The following STXBP3 variants were observed in gnomAD, a reference collection of about 807,000 sequenced individuals.
The protein encoded by STXBP3 is syntaxin binding protein 3.
In STXBP3, 41 loss-of-function variants were observed where a neutral mutation model predicts 85.7. That is an observed-to-expected ratio of 0.48 (90% CI 0.37 to 0.62). The LOEUF (loss-of-function observed/expected upper bound fraction) is 0.62. STXBP3 is among the 20% of genes least tolerant of loss of function. STXBP3 has a pLI of 0.00. For missense variants in STXBP3, 563 were observed against 703.1 expected, an observed-to-expected ratio of 0.80 and a Z score of 2.25; for synonymous variants, 229 against 231.7, an observed-to-expected ratio of 0.99 and a Z score of 0.10.
intron 4 of STXBP3, among the ~76,000 whole-genome samples, chr1:108,757,203 A>C (rs1662040919): frequency 6.6e-6 from 1 of 152,010 alleles, no homozygotes; most frequent in Admixed American, 6.6e-5. Context: ...ATGTGAAAGG[A>C]AATTCTTTAG....
chr1:108,747,110 G>GCCGCGCTCCCCACTCCTCCTCTCCCGT (rs1553194444), intron 1 of STXBP3, among the ~76,000 whole-genome samples: 1 of 147,394 alleles, frequency 6.8e-6, no homozygotes, highest in African/African-American at 2.5e-5. Flanking sequence ...CGTGCCCTCG[G>GCCGCGCTCCCCACTCCTCCTCTCCCGT]CCGCGCTCCC....
At position 108,776,353 on chromosome 1, in the gene STXBP3, G is replaced by A. The variant is rs763490809; in HGVS notation, c.614G>A (p.Ser205Asn). ...RYKSKPLDNA[S>N]KLAQLVEKKL... Reference sequence around the variant, plus strand: ...TCTAGTAAACCTCTAGATAATGCCAGTAAGCTTGCACAGCTTGTTGAAAAA... The same window carrying A: ...TCTAGTAAACCTCTAGATAATGCCAATAAGCTTGCACAGCTTGTTGAAAAA... Residue 205 changes from serine to asparagine, a missense_variant, in exon 8 of 19, where the codon AGT becomes AAT. Physicochemically the swap from Ser to Asn is conservative, Grantham distance 46 (BLOSUM62 1). Transcript: ENST00000370008. 13 of 1,607,624 alleles carry A rather than the reference G, an allele frequency of 8.1e-6. No homozygotes were observed. The highest frequency in any genetic ancestry group is 3.3e-4 in the Middle Eastern group (2 of 6,032).
intron 16 of STXBP3, among the ~76,000 whole-genome samples, chr1:108,798,706 G>A (rs1031749837): frequency 2.6e-5 from 4 of 151,930 alleles, no homozygotes; most frequent in East Asian, 1.9e-4. Flanking sequence ...GAGCCACTGC[G>A]CCCGGCTGAA....
intron 11 of STXBP3, among the ~76,000 whole-genome samples, chr1:108,782,965 C>G (rs1195091967): frequency 6.6e-6 from 1 of 152,114 alleles, no homozygotes; most frequent in African/African-American, 2.4e-5. Flanking sequence ...TGCAGTTGCG[C>G]CATCTCAGCT....
Position 108,765,570 on chromosome 1 carries a change from A to ATTTTTTTTTTT in STXBP3, c.438+5497_438+5507dup, listed in dbSNP as rs35813823. On this transcript the variant is annotated intron_variant, in intron 6 of 18. Transcript: ENST00000370008. ...TCATGGTAAAAAGCACCACATGCTAATTTTTTTTTTTTTTTTTTTTTTGAG... is the reference window on the plus strand; with the variant it reads ...TCATGGTAAAAAGCACCACATGCTAATTTTTTTTTTTTTTTTTTTTTTTTTTTTTTTTTGAG... Among the ~76,000 whole-genome samples, 4 of 67,168 alleles carry ATTTTTTTTTTT rather than the reference A, an allele frequency of 6.0e-5. 2 individuals are homozygous for ATTTTTTTTTTT. The highest frequency in any genetic ancestry group is 1.2e-4 in the Non-Finnish European group (4 of 32,162). The allele number at this position is 67,168 out of a possible 152,430, so 44.1% of individuals were successfully genotyped here.
At chr1:108,808,404 AC>A (rs1303381429) in intron 18 of STXBP3, among the ~76,000 whole-genome samples, 2 of 152,200 alleles carry the variant, frequency 1.3e-5, no homozygotes, top group East Asian at 3.8e-4. Context: ...AACTCTCCTG[AC>A]CCATGGAGGC....
At chr1:108,807,135 C>A (rs1418652743) in intron 17 of STXBP3, among the ~76,000 whole-genome samples, 1 of 151,818 alleles carries the variant, frequency 6.6e-6, no homozygotes, top group Non-Finnish European at 1.5e-5. Context: ...GCCTGTAATC[C>A]TAGCTACTCG....
intron 3 of STXBP3, among the ~76,000 whole-genome samples, chr1:108,754,355 T>C (rs1661975347): frequency 6.6e-6 from 1 of 152,140 alleles, no homozygotes; most frequent in African/African-American, 2.4e-5. Context: ...CCTTTATTGT[T>C]TATTACATAT....
At chr1:108,778,469 A>T (rs1314935397) in intron 8 of STXBP3, among the ~76,000 whole-genome samples, 1 of 152,220 alleles carries the variant, frequency 6.6e-6, no homozygotes, top group Non-Finnish European at 1.5e-5. Context: ...AAGAGCACAG[A>T]TGTTGGAGCA....
At position 108,770,691 on chromosome 1, in the gene STXBP3, A is replaced by G. The variant is rs544082019; in HGVS notation, c.439-1974A>G. ...CTACTTTCACTTACAATAAATTTTC[A>G]TAGTTTAAGAGAAATTATCATTGTT... On this transcript the variant is annotated intron_variant, in intron 6 of 18. Transcript: ENST00000370008. 6.6e-5 allele frequency among the ~76,000 whole-genome samples: 10 copies of G among 152,312 alleles called. No individual in the cohort carries two copies. The South Asian group carries it at 1.7e-3, about 25-fold the overall frequency.
chr1:108,763,794 G>A (rs1313408296), intron 6 of STXBP3, among the ~76,000 whole-genome samples: 1 of 151,672 alleles, frequency 6.6e-6, no homozygotes, highest in Non-Finnish European at 1.5e-5. Flanking sequence ...GTTGTTCAGG[G>A]TGGTCTTGAA....
At chr1:108,759,868 T>C in intron 5 of STXBP3, 117 bp from the exon 6 acceptor site, 2 of 648,488 alleles carry the variant, frequency 3.1e-6, no homozygotes, top group Non-Finnish European at 5.4e-6. Context: ...ATTTATGTCC[T>C]CATAATAACT....
At chr1:108,757,007 T>C in intron 4 of STXBP3, 1 of 277,624 alleles carries the variant, frequency 3.6e-6, no homozygotes, top group Non-Finnish European at 6.7e-6. Context: ...TTGTATAAAA[T>C]AACATTTCTT....
chr1:108,763,016 G>A (rs986331492), intron 6 of STXBP3, among the ~76,000 whole-genome samples: 1 of 152,190 alleles, frequency 6.6e-6, no homozygotes, highest in Non-Finnish European at 1.5e-5. Context: ...GACAGGTTAG[G>A]ACACAATCAC....
chr1:108,757,497 T>C (rs1291239085), intron 4 of STXBP3, among the ~76,000 whole-genome samples: 4 of 151,992 alleles, frequency 2.6e-5, no homozygotes, highest in Non-Finnish European at 4.4e-5. Context: ...TGTAATATAA[T>C]TCCATAAGAG....
chr1:108,796,418 T>C, intron 14 of STXBP3, 46 bp downstream of exon 14: 1 of 1,348,400 alleles, frequency 7.4e-7, no homozygotes. Flanking sequence ...CTATTGATCA[T>C]AAAAGAATCT....
intron 4 of STXBP3, chr1:108,757,063 G>T (rs540885554): frequency 1.0e-5 from 2 of 196,018 alleles, no homozygotes; most frequent in South Asian, 1.3e-4. Flanking sequence ...TATACCTTTT[G>T]GGGGGATGGT....
At chr1:108,764,387 CTT>C (rs1237128462) in intron 6 of STXBP3, among the ~76,000 whole-genome samples, 1 of 151,924 alleles carries the variant, frequency 6.6e-6, no homozygotes, top group East Asian at 1.9e-4. Flanking sequence ...TTATGATAGA[CTT>C]ATATTCTTTT....
chr1:108,797,261 C>A (rs1663124030), intron 15 of STXBP3, among the ~76,000 whole-genome samples: 1 of 148,420 alleles, frequency 6.7e-6, no homozygotes. Context: ...GGCTGAGGAT[C>A]TCATAAGCTC....
Sources: gnomAD v4.1 joint callset for allele counts (sites outside exome capture counted in the v4.1 genomes callset) on GRCh38, gnomAD v4.1.1 for gene constraint, MANE v1.5 for transcripts, NCBI Gene and HGNC (gene_info 2026-07-23, HGNC 2026-07-21) for gene names.